Variants in KDM2B observed in about 807,000 individuals in gnomAD.
KDM2B encodes lysine demethylase 2B.
Under a neutral mutation model 150.0 loss-of-function variants are expected in KDM2B, and 26 were observed. That is an observed-to-expected ratio of 0.17 (90% CI 0.13 to 0.24). The LOEUF is 0.24. Among genes scored for constraint, KDM2B ranks in the 10% least tolerant of loss-of-function variants. The pLI is 1.00. For synonymous variants in KDM2B, 734 were observed against 729.5 expected (o/e 1.01, Z -0.10); for missense variants, 1,265 against 1,816.9 (o/e 0.70, Z 5.52).
At chr12:121,420,903 C>A in the KDM2B span, 1 of 687,608 alleles carries the variant, frequency 1.5e-6, no homozygotes. Context: ...TACTGAGTAT[C>A]AGTTAGTTAC....
intron 4 of KDM2B, among the ~76,000 whole-genome samples, chr12:121,557,587 G>A (rs1402632283): frequency 2.6e-5 from 4 of 152,098 alleles, no homozygotes; most frequent in African/African-American, 9.7e-5. Context: ...AGACAGCCAC[G>A]TGAAGACGGA....
intron 11 of KDM2B, among the ~76,000 whole-genome samples, chr12:121,503,457 A>AC (rs1276066540): frequency 2.0e-5 from 3 of 151,124 alleles, no homozygotes; most frequent in African/African-American, 7.4e-5. Flanking sequence ...CTCCTGGCTA[A>AC]TTTTTTGTTC....
intron 12 of KDM2B, among the ~76,000 whole-genome samples, chr12:121,489,414 C>T (rs1410551391): frequency 1.3e-5 from 2 of 151,704 alleles, no homozygotes; most frequent in African/African-American, 4.8e-5. Context: ...AGACTACAGG[C>T]GTGAGCCACC....
Position 121,555,397 on chromosome 12 carries a change from G to C in KDM2B, c.398-5759C>G, listed in dbSNP as rs140060950. Among the ~76,000 whole-genome samples the C allele has an allele frequency of 2.6e-4, 40 of 152,096 alleles. No individual in the cohort carries two copies. The East Asian group carries it at 6.0e-3, about 23-fold the overall frequency. ...AATTTTATTTTTTTCTTTTGAGACA[G>C]AGTCTCGCTCTGTCTCCCAGGCTAG... On this transcript the variant is annotated intron_variant, in intron 4 of 22. Transcript: ENST00000377071.
intron 4 of KDM2B, among the ~76,000 whole-genome samples, chr12:121,559,758 T>C (rs1555313537): frequency 6.6e-6 from 1 of 151,598 alleles, no homozygotes; most frequent in Non-Finnish European, 1.5e-5. Flanking sequence ...ACAAAATTAG[T>C]CAGGCATGGT....
the KDM2B span, chr12:121,423,570 G>C: frequency 1.2e-6 from 2 of 1,612,776 alleles, no homozygotes; most frequent in Non-Finnish European, 1.7e-6. This position sits in a 1 kb window ranked among gnomAD's most constrained non-coding sequence, Gnocchi z 4.3. Context: ...ACGTGTTCAA[G>C]TCCTGAAACA....
At chr12:121,506,248 CG>C (rs1346080787) in intron 11 of KDM2B, among the ~76,000 whole-genome samples, 4 of 152,040 alleles carry the variant, frequency 2.6e-5, no homozygotes, top group Non-Finnish European at 5.9e-5. Context: ...CTCGTGTGAT[CG>C]GCCTTCCAAA....
At chr12:121,425,463 C>T (rs1872468406), downstream of KDM2B, among the ~76,000 whole-genome samples, 1 of 152,192 alleles carries the variant, frequency 6.6e-6, no homozygotes, top group African/African-American at 2.4e-5. Context: ...TCTGTTATCT[C>T]CTGACTGTGC....
intron 4 of KDM2B, among the ~76,000 whole-genome samples, chr12:121,555,233 C>A (rs1240943844): frequency 1.3e-5 from 2 of 151,762 alleles, no homozygotes; most frequent in Non-Finnish European, 2.9e-5. Context: ...AAATGGATAC[C>A]AATTTAAAAT....
rs1341935409 is a variant in KDM2B, at chr12:121,443,551, TCTGGGGCCGAGAC to T, written c.2565+116_2565+128del. 3 of 677,372 alleles carry T rather than the reference TCTGGGGCCGAGAC, an allele frequency of 4.4e-6. No individual in the cohort carries two copies. In the African/African-American group the frequency reaches 5.3e-5, roughly 12 times the overall value. The allele number at this position is 677,372 out of a possible 1,614,324, so 42.0% of individuals were successfully genotyped here. A position where few individuals can be genotyped will look rare whatever the true frequency, so the allele number is the denominator to read the frequency against. ...CCAAGCCAGAACCACGAGCCAGAGA[TCTGGGGCCGAGAC>T]CTGGGAAGCCTCAGGAGAGGCAGCA... On this transcript the variant is annotated intron_variant, in intron 17 of 22. Transcript: ENST00000377071.
chr12:121,474,677 G>T (rs1555296447), intron 12 of KDM2B, among the ~76,000 whole-genome samples: 1 of 152,212 alleles, frequency 6.6e-6, no homozygotes, highest in African/African-American at 2.4e-5. Flanking sequence ...AAATAGCTGG[G>T]CATGGTGGCT....
At chr12:121,497,875 A>C (rs1884141727) in intron 11 of KDM2B, among the ~76,000 whole-genome samples, 1 of 151,904 alleles carries the variant, frequency 6.6e-6, no homozygotes, top group African/African-American at 2.4e-5. Context: ...AGGCGGGTGG[A>C]TCACTTGAGG....
At chr12:121,462,734 C>T (rs1173379200) in intron 12 of KDM2B, among the ~76,000 whole-genome samples, 7 of 151,936 alleles carry the variant, frequency 4.6e-5, no homozygotes, top group African/African-American at 7.2e-5. Context: ...CCTTGTGATT[C>T]GCCCGTCTCA....
intron 12 of KDM2B, among the ~76,000 whole-genome samples, chr12:121,478,565 T>G (rs1881662183): frequency 1.3e-5 from 2 of 151,798 alleles, no homozygotes; most frequent in African/African-American, 4.8e-5. Flanking sequence ...TTCACCGTGT[T>G]AACCAGGATG....
In KDM2B at chr12:121,445,391, G is replaced by C; in HGVS notation, c.1987C>G (p.Leu663Val). 2 of 1,606,894 alleles carry C rather than the reference G, an allele frequency of 1.2e-6. No individual in the cohort carries two copies. ...APVLPHTAVC[L>V]VCGEAGKEDT... Reference sequence around the variant, plus strand: ...TCCTTCCCCGCCTCGCCACACACAAGGCACACGGCGGTGTGGGGCAGCACT... The same window carrying C: ...TCCTTCCCCGCCTCGCCACACACAACGCACACGGCGGTGTGGGGCAGCACT... The change falls in exon 14 of 23, where the codon CTT (leucine) becomes GTT (valine). Residue 663 changes from leucine (L) to valine (V), a missense_variant. By Grantham distance (32) the Leu-to-Val change is conservative. Transcript: ENST00000377071.
chr12:121,441,390 C>T (rs184911044), intron 19 of KDM2B, 157 bp from the exon 20 acceptor site: 282 of 632,194 alleles, frequency 4.5e-4, no homozygotes, highest in African/African-American at 4.1e-3. Context: ...TGCCCCCACG[C>T]GGGCACCTCC....
chr12:121,577,781 AGGG>A (rs1891605323), intron 2 of KDM2B, among the ~76,000 whole-genome samples: 1 of 152,166 alleles, frequency 6.6e-6, no homozygotes, highest in South Asian at 2.1e-4. Flanking sequence ...AAGGCTAGGT[AGGG>A]CATGTTCAAA....
intron 8 of KDM2B, among the ~76,000 whole-genome samples, chr12:121,522,535 A>C (rs1383459162): frequency 2.8e-5 from 4 of 142,066 alleles, no homozygotes; most frequent in Non-Finnish European, 6.1e-5. Context: ...AAAAAAGTAT[A>C]TACTATATTC....
chr12:121,521,456 C>T lies in KDM2B; in HGVS notation c.932-356G>A, dbSNP rs1323261150. Among the ~76,000 whole-genome samples the T allele has an allele frequency of 5.3e-5, 8 of 152,182 alleles. No individual in the cohort carries two copies. Among genetic ancestry groups the T allele is most frequent in the Non-Finnish European group, 1.2e-4 (8 of 68,026 alleles). On this transcript the variant is annotated intron_variant, in intron 8 of 22. Transcript: ENST00000377071. The surrounding 1 kb of genome is among the most constrained non-coding windows in gnomAD (Gnocchi z 4.9). ...CCTTTCTCCACCTCCATGCAGGCCACGGAGCCTCACCTCCCCTCCCAGGTG... is the reference window on the plus strand; with the variant it reads ...CCTTTCTCCACCTCCATGCAGGCCATGGAGCCTCACCTCCCCTCCCAGGTG...
Sources: gnomAD v4.1 joint callset for allele counts (sites outside exome capture counted in the v4.1 genomes callset) on GRCh38, gnomAD v4.1.1 for gene constraint, Gnocchi (gnomAD v3.1) non-coding constraint, MANE v1.5 for transcripts, NCBI Gene and HGNC (gene_info 2026-07-23, HGNC 2026-07-21) for gene names.